Variants in ETFA observed in about 807,000 individuals in gnomAD.
ETFA encodes the protein electron transfer flavoprotein subunit alpha, also known as electron transfer flavoprotein subunit alpha, mitochondrial.
ETFA carries 22 observed loss-of-function variants against 46.2 expected under a neutral mutation model. The ratio of observed to expected loss-of-function variants is 0.48; its 90% confidence interval spans 0.34 to 0.68. The LOEUF (loss-of-function observed/expected upper bound fraction) is 0.68. ETFA is among the 30% of genes least tolerant of loss of function. ETFA has a pLI of 0.01. For synonymous variants in ETFA, 131 were observed against 139.9 expected (o/e 0.94, Z 0.45); for missense variants, 345 against 401.1 (o/e 0.86, Z 1.19).
chr15:76,287,966 G>A, intron 4 of ETFA, 21 bp from the exon 5 acceptor site: 1 of 1,458,874 alleles, frequency 6.9e-7, no homozygotes, highest in Non-Finnish European at 9.6e-7. Context: ...AATAAGCAGT[G>A]AGTTAACACA....
At chr15:76,225,253 G>C (rs1234666625) in intron 11 of ETFA, among the ~76,000 whole-genome samples, 1 of 152,068 alleles carries the variant, frequency 6.6e-6, no homozygotes, top group Non-Finnish European at 1.5e-5. Flanking sequence ...CATTAACTTA[G>C]CACATGAGAT....
At chr15:76,270,397 T>C (rs8042654) in intron 9 of ETFA, among the ~76,000 whole-genome samples, 14,705 of 152,262 alleles carry the variant, frequency 0.097, 873 homozygotes, top group Middle Eastern at 0.15. Context: ...TGTACACTTA[T>C]GGTTTTCAAC....
chr15:76,226,010 A>G lies in ETFA; in HGVS notation c.883-81T>C, dbSNP rs548538784. The G allele has an allele frequency of 4.1e-4, 341 of 829,742 alleles. No individual in the cohort carries two copies. In the African/African-American group the frequency reaches 4.9e-3, roughly 12 times the overall value. 51.4% of individuals were successfully genotyped at this position (829,742 alleles called of 1,614,324 possible). A position where few individuals can be genotyped will look rare whatever the true frequency, so the allele number is the denominator to read the frequency against. On this transcript the variant is annotated intron_variant, in intron 10 of 11. Transcript: ENST00000557943. Reference sequence around the variant, plus strand: ...TGATAGTTCTATTTTAACTTCCAATATATTAATATTCTTAAAATGTCTACC... The same window carrying G: ...TGATAGTTCTATTTTAACTTCCAATGTATTAATATTCTTAAAATGTCTACC...
intron 9 of ETFA, among the ~76,000 whole-genome samples, chr15:76,271,738 A>G (rs563287577): frequency 6.6e-6 from 1 of 152,234 alleles, no homozygotes; most frequent in Non-Finnish European, 1.5e-5. Flanking sequence ...GGATGATCAC[A>G]GCAACTTACT....
Position 76,310,836 on chromosome 15 carries a change from C to A in ETFA, c.39+514G>T, listed in dbSNP as rs563772774. Among the ~76,000 whole-genome samples the A allele has an allele frequency of 2.3e-3, 349 of 152,028 alleles. 1 individual carries two copies. Among genetic ancestry groups the A allele is most frequent in the African/African-American group, 8.1e-3 (333 of 41,266 alleles). On this transcript the variant is annotated intron_variant, in intron 1 of 11. Transcript: ENST00000557943. Reference sequence around the variant, plus strand: ...GAACCAGCTTCCATAACTGGCCACGCAGCCTCCCACCCCACCCCACCCCCG... The same window carrying A: ...GAACCAGCTTCCATAACTGGCCACGAAGCCTCCCACCCCACCCCACCCCCG...
intron 1 of ETFA, among the ~76,000 whole-genome samples, chr15:76,304,686 G>A (rs1234419284): frequency 6.7e-6 from 1 of 149,844 alleles, no homozygotes; most frequent in Non-Finnish European, 1.5e-5. Flanking sequence ...AAAATTGGGG[G>A]AAAAAATACA....
At position 76,216,393 on chromosome 15, in the gene ETFA, C is replaced by T. The variant is rs2038896221; in HGVS notation, c.*166G>A. 1.7e-6 allele frequency: 1 copy of T among 584,794 alleles called. No homozygotes were observed. The highest frequency in any genetic ancestry group is 2.2e-5 in the South Asian group (1 of 45,944). The allele number at this position is 584,794 out of a possible 1,614,324, so 36.2% of individuals were successfully genotyped here. On this transcript the variant is annotated 3_prime_UTR_variant, in exon 12 of 12. Transcript: ENST00000557943. ...GGAACCACAAATAATTAAAAGGAAA[C>T]ACAGCAATCCCATAAACAAGCATTC... is the stretch of plus-strand genomic sequence containing the variant.
Position 76,265,134 on chromosome 15 carries a change from T to C in ETFA, c.816+9278A>G, listed in dbSNP as rs1482735390. On this transcript the variant is annotated intron_variant, in intron 9 of 11. Transcript: ENST00000557943. Reference sequence around the variant, plus strand: ...TGCAGCACAATTCCTGTCTCCTTCCTAGGGAGCCACCAAAGAAGGTCCCCA... The same window carrying C: ...TGCAGCACAATTCCTGTCTCCTTCCCAGGGAGCCACCAAAGAAGGTCCCCA... Among the ~76,000 whole-genome samples, 6 of 152,282 alleles carry C rather than the reference T, an allele frequency of 3.9e-5. No individual in the cohort carries two copies. The East Asian group carries it at 1.2e-3, about 29-fold the overall frequency.
intron 4 of ETFA, among the ~76,000 whole-genome samples, chr15:76,290,031 G>T (rs2039743903): frequency 6.6e-6 from 1 of 152,142 alleles, no homozygotes; most frequent in Non-Finnish European, 1.5e-5. Context: ...GGTCCACAAA[G>T]ATTATTTCAC....
rs35907442 is a variant in ETFA, at chr15:76,280,917, C to CTTTTT, written c.733+2835_733+2839dup. Among the ~76,000 whole-genome samples, 15 of 102,040 alleles carry CTTTTT rather than the reference C, an allele frequency of 1.5e-4. 1 individual carries two copies. Among genetic ancestry groups the CTTTTT allele is most frequent in the African/African-American group, 4.0e-4 (10 of 25,108 alleles). 66.9% of individuals were successfully genotyped at this position (102,040 alleles called of 152,430 possible). A position where few individuals can be genotyped will look rare whatever the true frequency, so the allele number is the denominator to read the frequency against. On this transcript the variant is annotated intron_variant, in intron 8 of 11. Coordinates refer to ENST00000557943, the MANE Select transcript of ETFA (RefSeq NM_000126.4). ...CTCCTTCAAACCTTTGTTCAGATGTCTTTTTTTTTTTTTTTTTTTTCAGAC... is the reference window on the plus strand; with the variant it reads ...CTCCTTCAAACCTTTGTTCAGATGTCTTTTTTTTTTTTTTTTTTTTTTTTTCAGAC...
At position 76,311,391 on chromosome 15, in the gene ETFA, T is replaced by G. The variant is rs1172499889; in HGVS notation, c.-3A>C. Reference sequence around the variant, plus strand: ...CCCGGAGCCGCCGCTCGGAACATGGTCTCCGCTTCCGCCGCAACCTCGGCC... The same window carrying G: ...CCCGGAGCCGCCGCTCGGAACATGGGCTCCGCTTCCGCCGCAACCTCGGCC... On this transcript the variant is annotated 5_prime_UTR_variant, in exon 1 of 12. Coordinates refer to ENST00000557943, the MANE Select transcript of ETFA (RefSeq NM_000126.4). 2 of 1,561,780 alleles carry G rather than the reference T, an allele frequency of 1.3e-6. No homozygotes were observed. Among genetic ancestry groups the G allele is most frequent in the Non-Finnish European group, 1.7e-6 (2 of 1,154,230 alleles).
At chr15:76,268,810 T>A (rs919243606) in intron 9 of ETFA, among the ~76,000 whole-genome samples, 1 of 152,322 alleles carries the variant, frequency 6.6e-6, no homozygotes, top group Middle Eastern at 3.4e-3. Context: ...CAACAGGCAA[T>A]TAAGAGCTGC....
chr15:76,291,083 G>A (rs1198501299), intron 4 of ETFA, among the ~76,000 whole-genome samples: 1 of 152,062 alleles, frequency 6.6e-6, no homozygotes, highest in Non-Finnish European at 1.5e-5. Flanking sequence ...GGGCATGGTG[G>A]CATGTACCTG....
In ETFA at chr15:76,272,596, G is replaced by A. The variant is rs189903837; in HGVS notation, c.816+1816C>T. On this transcript the variant is annotated intron_variant, in intron 9 of 11. Transcript: ENST00000557943. Reference sequence around the variant, plus strand: ...CTTTTATGAAATCAGACCTACAGATGTCTACTTATGTAAAATTGAAAGATT... The same window carrying A: ...CTTTTATGAAATCAGACCTACAGATATCTACTTATGTAAAATTGAAAGATT... Among the ~76,000 whole-genome samples, 4 of 152,134 alleles carry A rather than the reference G, an allele frequency of 2.6e-5. No individual in the cohort carries two copies. The East Asian group carries it at 7.7e-4, about 29-fold the overall frequency.
chr15:76,233,417 C>T (rs1198667627), intron 9 of ETFA, among the ~76,000 whole-genome samples: 1 of 150,280 alleles, frequency 6.7e-6, no homozygotes, highest in African/African-American at 2.5e-5. Flanking sequence ...GCAACCTCCA[C>T]CTCCCAGGTT....
chr15:76,268,577 C>T (rs2039497186), intron 9 of ETFA, among the ~76,000 whole-genome samples: 1 of 152,186 alleles, frequency 6.6e-6, no homozygotes, highest in South Asian at 2.1e-4. Context: ...GACTGAATTC[C>T]TCTCTACCCT....
At chr15:76,261,655 G>C (rs1194877694) in intron 9 of ETFA, 4 of 383,514 alleles carry the variant, frequency 1.0e-5, no homozygotes, top group East Asian at 5.2e-5. Flanking sequence ...GCAGCAGCAG[G>C]AGCCCCAGCC....
At chr15:76,258,645 C>T (rs1183077652) in intron 9 of ETFA, among the ~76,000 whole-genome samples, 1 of 152,210 alleles carries the variant, frequency 6.6e-6, no homozygotes, top group Non-Finnish European at 1.5e-5. Flanking sequence ...GACGGTAGAG[C>T]CTACAGGGCT....
At chr15:76,260,996 G>A in intron 9 of ETFA, 4 of 1,609,624 alleles carry the variant, frequency 2.5e-6, no homozygotes, top group Middle Eastern at 1.9e-4. Context: ...TGTTGCCGCT[G>A]GAAAGCTTTG....
Sources: allele counts gnomAD v4.1 joint callset (sites outside exome capture counted in the v4.1 genomes callset), GRCh38; gene constraint gnomAD v4.1.1; transcripts MANE v1.5; gene names NCBI Gene and HGNC (gene_info 2026-07-23, HGNC 2026-07-21).